The following STXBP5L variants were observed in gnomAD, a reference collection of about 807,000 sequenced individuals.
STXBP5L encodes syntaxin binding protein 5L, also known as syntaxin-binding protein 5-like.
Under a neutral mutation model 144.5 loss-of-function variants are expected in STXBP5L, and 65 were observed. The ratio of observed to expected loss-of-function variants is 0.45; its 90% CI spans 0.37 to 0.55. The LOEUF (loss-of-function observed/expected upper bound fraction) is 0.55, where lower values mean the gene tolerates loss of function less well. STXBP5L is among the 20% of genes least tolerant of loss of function. The pLI, the probability that STXBP5L is intolerant of heterozygous loss-of-function variation, is 0.00. For synonymous variants in STXBP5L, 505 were observed against 469.6 expected (o/e 1.08, Z -0.97); for missense variants, 1,298 against 1,405.5 (o/e 0.92, Z 1.22).
At chr3:120,948,404 C>A (rs1003199679) in intron 2 of STXBP5L, among the ~76,000 whole-genome samples, 1 of 151,570 alleles carries the variant, frequency 6.6e-6, no homozygotes. Context: ...TGTGGATTAT[C>A]CTTTCCCATT....
At chr3:121,132,769 T>A (rs1259639909) in intron 7 of STXBP5L, among the ~76,000 whole-genome samples, 1 of 151,876 alleles carries the variant, frequency 6.6e-6, no homozygotes, top group African/African-American at 2.4e-5. Flanking sequence ...AAAACTAGAA[T>A]TTTCAGGAAA....
chr3:121,280,740 G>C (rs1027887855), intron 19 of STXBP5L, among the ~76,000 whole-genome samples: 1 of 151,748 alleles, frequency 6.6e-6, no homozygotes, highest in African/African-American at 2.4e-5. Context: ...AGATGAAAAT[G>C]CTTCTATAAT....
intron 20 of STXBP5L, among the ~76,000 whole-genome samples, chr3:121,328,759 A>T (rs2044230600): frequency 6.6e-6 from 1 of 152,054 alleles, no homozygotes; most frequent in Non-Finnish European, 1.5e-5. Context: ...CAAAAAAAAA[A>T]TAAAAAATAA....
chr3:121,069,489 G>A (rs4048825), intron 5 of STXBP5L, among the ~76,000 whole-genome samples: 77,569 of 151,652 alleles, frequency 0.51, 20,281 homozygotes, highest in Admixed American at 0.6. Context: ...ATAAGTTTTC[G>A]TCTCTCGGTG....
chr3:121,042,991 A>G (rs80137580), intron 4 of STXBP5L, among the ~76,000 whole-genome samples: 18,190 of 151,624 alleles, frequency 0.12, 1,150 homozygotes, highest in Non-Finnish European at 0.14. Flanking sequence ...GCATGGATGT[A>G]TACTTACAGG....
intron 11 of STXBP5L, among the ~76,000 whole-genome samples, chr3:121,229,820 C>A (rs1367622000): frequency 1.3e-5 from 2 of 152,144 alleles, no homozygotes; most frequent in Non-Finnish European, 2.9e-5. Context: ...TCCCAAAGTG[C>A]TGAGAGTATA....
intron 20 of STXBP5L, among the ~76,000 whole-genome samples, chr3:121,346,727 T>C (rs2045005076): frequency 6.6e-6 from 1 of 152,224 alleles, no homozygotes; most frequent in African/African-American, 2.4e-5. Flanking sequence ...TTTGTATGTG[T>C]CTTTTGTCTG....
intron 2 of STXBP5L, among the ~76,000 whole-genome samples, chr3:120,938,330 A>G (rs1294488724): frequency 6.6e-6 from 1 of 152,128 alleles, no homozygotes; most frequent in Non-Finnish European, 1.5e-5. Flanking sequence ...TTAAATCATT[A>G]CTCAATTATT....
At chr3:121,135,012 A>G (rs1317524544) in intron 7 of STXBP5L, among the ~76,000 whole-genome samples, 1 of 152,216 alleles carries the variant, frequency 6.6e-6, no homozygotes, top group Non-Finnish European at 1.5e-5. Flanking sequence ...ACTAGTTAAC[A>G]GTCCCACCAA....
chr3:121,021,319 T>C (rs535011367), intron 3 of STXBP5L, among the ~76,000 whole-genome samples: 8 of 152,196 alleles, frequency 5.3e-5, no homozygotes, highest in Middle Eastern at 3.4e-3. Context: ...AATAATAGTG[T>C]GGGACTTTAA....
chr3:121,313,242 C>T (rs1199147659), intron 19 of STXBP5L, among the ~76,000 whole-genome samples: 7 of 123,428 alleles, frequency 5.7e-5, no homozygotes, highest in South Asian at 2.8e-4. Context: ...CCCTCCCGGA[C>T]GGGGCGGCTG....
chr3:121,066,501 G>A (rs777379800), intron 5 of STXBP5L, among the ~76,000 whole-genome samples: 1 of 151,762 alleles, frequency 6.6e-6, no homozygotes, highest in Non-Finnish European at 1.5e-5. Context: ...GTGTTAATGT[G>A]GTAAGTTACA....
intron 9 of STXBP5L, among the ~76,000 whole-genome samples, chr3:121,191,035 A>G (rs573592056): frequency 2.7e-5 from 4 of 150,704 alleles, no homozygotes; most frequent in African/African-American, 9.8e-5. Flanking sequence ...TGCTGGGAAG[A>G]GGCGCTCCTC....
chr3:121,363,490 A>T (rs1250499100), intron 20 of STXBP5L, among the ~76,000 whole-genome samples: 1 of 152,090 alleles, frequency 6.6e-6, no homozygotes, highest in Non-Finnish European at 1.5e-5. Context: ...CTGTGGATGG[A>T]CATCAGCTGA....
chr3:120,955,849 A>C (rs1937965043), intron 3 of STXBP5L, among the ~76,000 whole-genome samples: 1 of 152,020 alleles, frequency 6.6e-6, no homozygotes, highest in South Asian at 2.1e-4. Flanking sequence ...CATTTCAATA[A>C]TTTTGCCACT....
intron 18 of STXBP5L, among the ~76,000 whole-genome samples, chr3:121,269,232 A>G (rs1276695352): frequency 6.8e-6 from 1 of 146,460 alleles, no homozygotes; most frequent in Non-Finnish European, 1.5e-5. Context: ...AACTAGGAAA[A>G]TAATTTTCAA....
At chr3:121,097,396 T>C (rs2043183523) in intron 5 of STXBP5L, among the ~76,000 whole-genome samples, 1 of 152,160 alleles carries the variant, frequency 6.6e-6, no homozygotes, top group African/African-American at 2.4e-5. Context: ...GTGTTTTCCC[T>C]AATGGCCACC....
At chr3:121,300,020 T>G (rs1462242919) in intron 19 of STXBP5L, among the ~76,000 whole-genome samples, 4 of 150,164 alleles carry the variant, frequency 2.7e-5, no homozygotes, top group Admixed American at 6.6e-5. Context: ...CACTTAAGAC[T>G]TTATAGTCAA....
At chr3:121,355,563 G>A (rs953745719) in intron 20 of STXBP5L, among the ~76,000 whole-genome samples, 2 of 152,084 alleles carry the variant, frequency 1.3e-5, no homozygotes, top group South Asian at 4.1e-4. Context: ...TCTCTATTCT[G>A]TTTATTCTAT....
Sources: allele counts gnomAD v4.1 joint callset (sites outside exome capture counted in the v4.1 genomes callset), GRCh38; gene constraint gnomAD v4.1.1; transcripts MANE v1.5; gene names NCBI Gene and HGNC (gene_info 2026-07-23, HGNC 2026-07-21).